The following LARGE1 variants were observed in gnomAD, a reference collection of about 807,000 sequenced individuals.
LARGE1 encodes LARGE xylosyl- and glucuronyltransferase 1, also known as xylosyl- and glucuronyltransferase LARGE1.
Under a neutral mutation model 87.6 loss-of-function variants are expected in LARGE1, and 43 were observed. The ratio of observed to expected loss-of-function variants is 0.49; its 90% confidence interval spans 0.38 to 0.63. The LOEUF (loss-of-function observed/expected upper bound fraction) is 0.63, where lower values mean the gene tolerates loss of function less well. Ranked by LOEUF, LARGE1 falls within the 30% of genes least tolerant of loss-of-function variation. LARGE1 has a pLI of 0.00. For synonymous variants in LARGE1, 434 were observed against 394.6 expected, an observed-to-expected ratio of 1.10 and a Z score of -1.18; for missense variants, 802 against 1,000.2, an observed-to-expected ratio of 0.80 and a Z score of 2.67.
chr22:33,545,155 C>A (rs1029597203), intron 6 of LARGE1, among the ~76,000 whole-genome samples: 1 of 152,076 alleles, frequency 6.6e-6, no homozygotes, highest in Non-Finnish European at 1.5e-5. Flanking sequence ...TCTAAATCTG[C>A]GCTTCCTTTT....
intron 6 of LARGE1, among the ~76,000 whole-genome samples, chr22:33,501,425 C>A (rs995487388): frequency 6.6e-6 from 1 of 151,954 alleles, no homozygotes; most frequent in Non-Finnish European, 1.5e-5. Context: ...CTTACACCTG[C>A]GATGATCAGT....
chr22:33,668,607 G>C (rs955679687), intron 2 of LARGE1, among the ~76,000 whole-genome samples: 2 of 152,222 alleles, frequency 1.3e-5, no homozygotes, highest in South Asian at 2.1e-4. Flanking sequence ...ACAGATTTTG[G>C]AGCATCTGAG....
At chr22:33,400,014 A>G (rs901003699) in intron 7 of LARGE1, among the ~76,000 whole-genome samples, 2 of 152,236 alleles carry the variant, frequency 1.3e-5, no homozygotes, top group African/African-American at 4.8e-5. Flanking sequence ...GAAAAACCCA[A>G]GGCAGAAATC....
the LARGE1 span, among the ~76,000 whole-genome samples, chr22:33,125,371 G>T: frequency 6.6e-6 from 1 of 152,116 alleles, no homozygotes; most frequent in African/African-American, 2.4e-5. Flanking sequence ...AGGAGGAATG[G>T]GAACACTTAT....
intron 2 of LARGE1, among the ~76,000 whole-genome samples, chr22:33,672,976 T>C (rs1416601495): frequency 6.6e-6 from 1 of 152,156 alleles, no homozygotes; most frequent in Non-Finnish European, 1.5e-5. Flanking sequence ...GAGATTGTTA[T>C]CAAGATGCTT....
chr22:33,282,347 A>AAAAC (rs1245265549), intron 13 of LARGE1, among the ~76,000 whole-genome samples: 37 of 132,988 alleles, frequency 2.8e-4, no homozygotes, highest in African/African-American at 1.0e-3. Flanking sequence ...CTCTGTCTCA[A>AAAAC]AAACAAACAA....
At chr22:33,477,886 C>A (rs1287047836) in intron 6 of LARGE1, among the ~76,000 whole-genome samples, 1 of 152,200 alleles carries the variant, frequency 6.6e-6, no homozygotes, top group African/African-American at 2.4e-5. Flanking sequence ...TACTCACCCT[C>A]TGCTGAAACC....
chr22:33,554,610 C>T (rs539401776), intron 6 of LARGE1, among the ~76,000 whole-genome samples: 1 of 152,292 alleles, frequency 6.6e-6, no homozygotes, highest in South Asian at 2.1e-4. Context: ...CATCCCGCTA[C>T]GGGCCACAGT....
intron 6 of LARGE1, among the ~76,000 whole-genome samples, chr22:33,528,903 T>C (rs1306361172): frequency 6.6e-6 from 1 of 152,156 alleles, no homozygotes; most frequent in African/African-American, 2.4e-5. Flanking sequence ...GTGTCTACTA[T>C]ACGCCAGGCA....
intron 5 of LARGE1, among the ~76,000 whole-genome samples, chr22:33,601,462 T>C (rs1349268837): frequency 6.6e-6 from 1 of 152,150 alleles, no homozygotes; most frequent in Non-Finnish European, 1.5e-5. Context: ...ATCATGGCTT[T>C]GGGGTTGTTG....
At chr22:33,388,557 T>C (rs2065405649) in intron 7 of LARGE1, among the ~76,000 whole-genome samples, 1 of 152,158 alleles carries the variant, frequency 6.6e-6, no homozygotes, top group East Asian at 1.9e-4. Flanking sequence ...ACCAATCTCA[T>C]GGGCTTTTTA....
At position 33,768,432 on chromosome 22, in the gene LARGE1, G is replaced by A. The variant is rs965134202; in HGVS notation, c.-82-6874C>T. Among the ~76,000 whole-genome samples the A allele has an allele frequency of 1.2e-4, 14 of 117,226 alleles. No individual in the cohort carries two copies. The East Asian group carries it at 1.5e-3, about 12-fold the overall frequency. The allele number at this position is 117,226 out of a possible 152,430, so 76.9% of individuals were successfully genotyped here. On this transcript the variant is annotated intron_variant, in intron 1 of 14. Transcript: ENST00000397394. ...TTACCCAAGCCACAATCCAACGCGC[G>A]CGCTCACACACACACACACACACAC...
chr22:33,520,498 C>T (rs2071528562), intron 6 of LARGE1, among the ~76,000 whole-genome samples: 1 of 152,190 alleles, frequency 6.6e-6, no homozygotes, highest in African/African-American at 2.4e-5. Context: ...GGACTCTGAA[C>T]TCTCTGCAGA....
At chr22:33,140,506 G>C in the LARGE1 span, among the ~76,000 whole-genome samples, 1 of 152,202 alleles carries the variant, frequency 6.6e-6, no homozygotes. Context: ...TCAGTGGACT[G>C]GGAGAGGCAG....
chr22:33,588,027 T>C (rs1371707075), intron 5 of LARGE1, among the ~76,000 whole-genome samples: 1 of 152,222 alleles, frequency 6.6e-6, no homozygotes, highest in East Asian at 1.9e-4. Context: ...CTTCTCTTTT[T>C]ATGTTCACGG....
At chr22:33,587,317 T>C (rs780434032) in intron 5 of LARGE1, among the ~76,000 whole-genome samples, 1 of 152,182 alleles carries the variant, frequency 6.6e-6, no homozygotes, top group Non-Finnish European at 1.5e-5. Context: ...AACCTGTATA[T>C]AATTTTTAAG....
At chr22:33,785,617 T>C (rs1177986033) in intron 1 of LARGE1, among the ~76,000 whole-genome samples, 1 of 152,154 alleles carries the variant, frequency 6.6e-6, no homozygotes, top group Non-Finnish European at 1.5e-5. Flanking sequence ...GTAAAACCCA[T>C]GTGTAGTGAT....
chr22:33,438,381 G>A (rs1424250724), intron 6 of LARGE1, among the ~76,000 whole-genome samples: 1 of 152,190 alleles, frequency 6.6e-6, no homozygotes, highest in Non-Finnish European at 1.5e-5. Context: ...TGTTTTCCAA[G>A]CTGGGCCTGT....
chr22:33,913,847 C>T (rs922593250), intron 1 of LARGE1, among the ~76,000 whole-genome samples: 13 of 151,954 alleles, frequency 8.6e-5, no homozygotes, highest in Admixed American at 5.2e-4. Context: ...TGTGCCCAAC[C>T]GAAAAGTCCT....
Sources: gnomAD v4.1 joint callset for allele counts (sites outside exome capture counted in the v4.1 genomes callset) on GRCh38, gnomAD v4.1.1 for gene constraint, MANE v1.5 for transcripts, NCBI Gene and HGNC (gene_info 2026-07-23, HGNC 2026-07-21) for gene names.